Variants in HMGB1 observed in about 807,000 individuals in gnomAD.
The protein encoded by HMGB1 is high mobility group box 1.
For missense variants in HMGB1, 79 were observed against 253.5 expected, an observed-to-expected ratio of 0.31 and a Z score of 4.67; for synonymous variants, 81 against 84.0, an observed-to-expected ratio of 0.96 and a Z score of 0.19.
chr13:30,466,050 G>C (rs971361778), upstream of HMGB1: 1 of 649,860 alleles, frequency 1.5e-6, no homozygotes, highest in African/African-American at 2.0e-5. Flanking sequence ...CTGTCTCCGG[G>C]GACACGTCAT....
At chr13:30,478,567 C>T (rs1229997372) in intron 1 of HMGB1, among the ~76,000 whole-genome samples, 1 of 151,972 alleles carries the variant, frequency 6.6e-6, no homozygotes, top group African/African-American at 2.4e-5. Context: ...CAGAAGGATC[C>T]CTGTTTGAAA....
chr13:30,574,731 T>C (rs572807909), intron 1 of HMGB1, among the ~76,000 whole-genome samples: 2 of 152,346 alleles, frequency 1.3e-5, no homozygotes, highest in African/African-American at 4.8e-5. Flanking sequence ...TGTGCCAAGA[T>C]ACCTACATAC....
intron 1 of HMGB1, among the ~76,000 whole-genome samples, chr13:30,584,335 A>G (rs184901061): frequency 1.3e-5 from 2 of 152,280 alleles, no homozygotes; most frequent in Admixed American, 1.3e-4. Flanking sequence ...TCCTCCACCC[A>G]TTATATAATC....
At chr13:30,603,986 A>T (rs111670119) in intron 1 of HMGB1, among the ~76,000 whole-genome samples, 3 of 152,348 alleles carry the variant, frequency 2.0e-5, no homozygotes, top group African/African-American at 7.2e-5. Flanking sequence ...GACTGTATGC[A>T]TTTTGACAAT....
rs867542661 is a variant in HMGB1, at chr13:30,465,509, T to A, written c.-15+287A>T. 1.4e-3 allele frequency among the ~76,000 whole-genome samples: 209 copies of A among 145,896 alleles called. 1 individual carries two copies. The highest frequency in any genetic ancestry group is 8.9e-3 in the East Asian group (44 of 4,950). ...AAAATTTTTTTAATTAAAAAAAAAA[T>A]TTTTTTTTTTGCGCCAGTCAGCGCG... On this transcript the variant is annotated intron_variant, in intron 1 of 4. Coordinates refer to ENST00000341423, the MANE Select transcript of HMGB1 (RefSeq NM_002128.7).
intron 1 of HMGB1, among the ~76,000 whole-genome samples, chr13:30,610,914 G>GA (rs1950507381): frequency 1.3e-5 from 2 of 152,060 alleles, no homozygotes; most frequent in South Asian, 4.1e-4. Flanking sequence ...TTTAAAAAAT[G>GA]AATCTGTTTT....
chr13:30,589,380 G>C (rs1244778531), intron 1 of HMGB1, among the ~76,000 whole-genome samples: 2 of 152,218 alleles, frequency 1.3e-5, no homozygotes, highest in Admixed American at 1.3e-4. Flanking sequence ...AAGATTGTAA[G>C]TGGAGGGGCT....
intron 1 of HMGB1, among the ~76,000 whole-genome samples, chr13:30,503,360 A>T (rs915779883): frequency 6.6e-6 from 1 of 152,022 alleles, no homozygotes. Flanking sequence ...TAAAAAAAAA[A>T]AGTTTAGGAT....
At chr13:30,522,943 G>A (rs1214374595) in intron 1 of HMGB1, among the ~76,000 whole-genome samples, 3 of 152,030 alleles carry the variant, frequency 2.0e-5, no homozygotes, top group Non-Finnish European at 4.4e-5. Context: ...AGAATTCCTG[G>A]GTTCAAGTGA....
intron 1 of HMGB1, among the ~76,000 whole-genome samples, chr13:30,475,534 A>C (rs1220744392): frequency 6.6e-6 from 1 of 151,516 alleles, no homozygotes; most frequent in East Asian, 1.9e-4. Context: ...CTAAAAAAAA[A>C]AAAAAAAAAT....
intron 1 of HMGB1, among the ~76,000 whole-genome samples, chr13:30,592,012 G>A (rs1871392168): frequency 6.6e-6 from 1 of 152,000 alleles, no homozygotes. Flanking sequence ...GAAAGCAACT[G>A]TGTTCTTTCC....
intron 1 of HMGB1, among the ~76,000 whole-genome samples, chr13:30,600,054 G>C (rs563902044): frequency 6.6e-6 from 1 of 152,100 alleles, no homozygotes; most frequent in Non-Finnish European, 1.5e-5. Flanking sequence ...TAAGTTACTC[G>C]ATACCTTGCC....
In HMGB1 at chr13:30,463,675, G is replaced by C. The variant is rs553654408; in HGVS notation, c.6C>G (p.Gly2=). ...CTCTCGGCTTCTTAGGATCTCCTTT[G>C]CCCATGTTTAGTTATTTTTCTAAAA... M[G]KGDPKKPRGK... Residue 2 remains glycine, a synonymous_variant, in exon 2 of 5, where the codon GGC becomes GGG. Coordinates refer to ENST00000341423, the MANE Select transcript of HMGB1 (RefSeq NM_002128.7). 362 of 1,552,672 alleles carry C rather than the reference G, an allele frequency of 2.3e-4. 4 individuals carry two copies. In the South Asian group the frequency reaches 4.0e-3, roughly 17 times the overall value.
chr13:30,520,047 C>T (rs1888201912), intron 1 of HMGB1, among the ~76,000 whole-genome samples: 1 of 152,228 alleles, frequency 6.6e-6, no homozygotes, highest in Admixed American at 6.5e-5. Flanking sequence ...CTTGGCCAGG[C>T]ACAGTGGCTC....
chr13:30,534,234 G>A (rs775836161), intron 1 of HMGB1, among the ~76,000 whole-genome samples: 37 of 152,162 alleles, frequency 2.4e-4, no homozygotes, highest in Admixed American at 8.5e-4. Flanking sequence ...TCTGATTCAA[G>A]TTCCTTCCTG....
At position 30,559,631 on chromosome 13, in the gene HMGB1, A is replaced by G. The variant is rs929027301; in HGVS notation, c.-15+57040T>C. On this transcript the variant is annotated intron_variant, in intron 1 of 4. Coordinates refer to the HMGB1 transcript ENST00000405805. This position sits in a 1 kb window ranked among gnomAD's most constrained non-coding sequence, Gnocchi z 6.6. ...GTTTTTAAGAAAGCGGATGGAATTCAGCTGCAAATAGATGGACACCTGGAA... is the reference window on the plus strand; with the variant it reads ...GTTTTTAAGAAAGCGGATGGAATTCGGCTGCAAATAGATGGACACCTGGAA... Among the ~76,000 whole-genome samples, 7 of 152,200 alleles carry G rather than the reference A, an allele frequency of 4.6e-5. No homozygotes were observed. The highest frequency in any genetic ancestry group is 1.7e-4 in the African/African-American group (7 of 41,456).
chr13:30,560,016 C>G (rs1220622716), intron 1 of HMGB1, among the ~76,000 whole-genome samples: 1 of 152,096 alleles, frequency 6.6e-6, no homozygotes. Context: ...CAGCATTTAC[C>G]AGAATGTGTG....
intron 1 of HMGB1, among the ~76,000 whole-genome samples, chr13:30,504,374 T>C (rs9315015): frequency 0.82 from 124,440 of 152,228 alleles, 55,823 homozygotes; most frequent in East Asian, 1. Flanking sequence ...ATCTGAAATT[T>C]GTTTTTCACG....
rs1004877459 is a variant in HMGB1 at position 30,539,605 on chromosome 13, A to G, written c.-14-75911T>C. ...GTGCTAATGTGCTGGGGGCAGCTGT[A>G]TTTTCCAGCATGAGCTCCCATCCTC... On this transcript the variant is annotated intron_variant, in intron 1 of 4. Coordinates refer to the HMGB1 transcript ENST00000405805. 1.1e-4 allele frequency: 29 copies of G among 273,998 alleles called. 3 individuals carry two copies. The highest frequency in any genetic ancestry group is 1.8e-4 in the Non-Finnish European group (26 of 146,566). The allele number at this position is 273,998 out of a possible 1,614,324, so 17.0% of individuals were successfully genotyped here.
Sources: gnomAD v4.1 joint callset for allele counts (sites outside exome capture counted in the v4.1 genomes callset) on GRCh38, gnomAD v4.1.1 for gene constraint, Gnocchi (gnomAD v3.1) non-coding constraint, MANE v1.5 for transcripts, NCBI Gene and HGNC (gene_info 2026-07-23, HGNC 2026-07-21) for gene names.